ANKIB1: variants seen among roughly 807,000 people sequenced by gnomAD.
The protein encoded by ANKIB1 is ankyrin repeat and IBR domain-containing protein 1.
A neutral mutation model predicts 122.1 loss-of-function variants in ANKIB1; 43 were observed. That is an observed-to-expected ratio of 0.35 (90% confidence interval 0.28 to 0.45). The LOEUF (loss-of-function observed/expected upper bound fraction) is 0.45, where lower values mean the gene tolerates loss of function less well. Ranked by LOEUF, ANKIB1 falls within the 20% of genes least tolerant of loss-of-function variation. ANKIB1 has a pLI of 1.00. For missense variants in ANKIB1, 992 were observed against 1,329.5 expected (o/e 0.75, Z 3.95); for synonymous variants, 390 against 442.0 (o/e 0.88, Z 1.48).
chr7:92,263,696 T>G (rs896134241), intron 1 of ANKIB1, among the ~76,000 whole-genome samples: 2 of 152,198 alleles, frequency 1.3e-5, no homozygotes, highest in Admixed American at 1.3e-4. Context: ...GTATGATAGA[T>G]TGGGTTCTGG....
At chr7:92,294,831 T>C (rs1032308348) in intron 1 of ANKIB1, 58 bp from the exon 2 acceptor site, 3 of 588,638 alleles carry the variant, frequency 5.1e-6, no homozygotes, top group Non-Finnish European at 8.3e-6. Flanking sequence ...AATTGTGTTA[T>C]TGTTTCTTTT....
At position 92,400,540 on chromosome 7, in the gene ANKIB1, A is replaced by G. The variant is rs925390480; in HGVS notation, c.*1591A>G. 6.6e-6 allele frequency: 1 copy of G among 152,090 alleles called. No individual in the cohort carries two copies. The highest frequency in any genetic ancestry group is 1.5e-5 in the Non-Finnish European group (1 of 68,006). 9.4% of individuals were successfully genotyped at this position (152,090 alleles called of 1,614,324 possible). ...AGTCCTGGGCTGGGTAAAAAGTTAT[A>G]TTAATATTGTTATCCACAAGAGATG... On this transcript the variant is annotated 3_prime_UTR_variant, in exon 20 of 20. Coordinates refer to ENST00000265742, the MANE Select transcript of ANKIB1 (RefSeq NM_019004.2).
At chr7:92,375,640 C>G (rs1804362416) in intron 11 of ANKIB1, among the ~76,000 whole-genome samples, 1 of 152,168 alleles carries the variant, frequency 6.6e-6, no homozygotes, top group Non-Finnish European at 1.5e-5. Flanking sequence ...AAGTTTTGAA[C>G]TCTTCAAAGT....
intron 1 of ANKIB1, among the ~76,000 whole-genome samples, chr7:92,286,295 G>A (rs1383843411): frequency 3.3e-5 from 5 of 152,108 alleles, no homozygotes; most frequent in Admixed American, 3.3e-4. Context: ...AGAGGGACCA[G>A]TGGACCTTGT....
intron 1 of ANKIB1, among the ~76,000 whole-genome samples, chr7:92,250,043 T>C (rs1299867427): frequency 2.0e-5 from 3 of 152,178 alleles, no homozygotes; most frequent in South Asian, 4.1e-4. Context: ...TTCTCTAATA[T>C]TGCTTTGAAT....
At chr7:92,348,450 A>G (rs1803588082) in intron 7 of ANKIB1, among the ~76,000 whole-genome samples, 1 of 145,990 alleles carries the variant, frequency 6.8e-6, no homozygotes, top group Non-Finnish European at 1.5e-5. Flanking sequence ...CAGTGGCACC[A>G]TCTCAGCTCA....
chr7:92,343,100 G>A lies in ANKIB1; in HGVS notation c.864G>A (p.Met288Ile). ...GCTGCCAACGATCAGGTGTTCAAAT[G>A]CCAACTCCACCACCAAGTGGGTATA... ...ENCCQRSGVQ[M>I]PTPPPSGYNA... The change falls in exon 6 of 20, where the codon ATG (methionine) becomes ATA (isoleucine). Residue 288 changes from methionine (M) to isoleucine (I), a missense_variant. Around this residue, in one of 4 missense-constraint regions of ANKIB1, gnomAD observed 521 missense variants for 777.7 expected, o/e 0.67. Coordinates refer to ENST00000265742, the MANE Select transcript of ANKIB1 (RefSeq NM_019004.2). 2 of 1,613,900 alleles carry A rather than the reference G, an allele frequency of 1.2e-6. No homozygotes were observed. The highest frequency in any genetic ancestry group is 1.7e-6 in the Non-Finnish European group (2 of 1,179,864).
At chr7:92,253,809 T>A (rs1451831298) in intron 1 of ANKIB1, among the ~76,000 whole-genome samples, 2 of 152,338 alleles carry the variant, frequency 1.3e-5, no homozygotes, top group East Asian at 3.9e-4. Flanking sequence ...TGGTAGAATG[T>A]TTAACAGTCA....
At chr7:92,301,152 A>C (rs1216594712) in intron 2 of ANKIB1, among the ~76,000 whole-genome samples, 1 of 152,176 alleles carries the variant, frequency 6.6e-6, no homozygotes, top group Non-Finnish European at 1.5e-5. Flanking sequence ...TATAGTGAAC[A>C]TGGGAGTACT....
chr7:92,262,438 G>A (rs551570147), intron 1 of ANKIB1, among the ~76,000 whole-genome samples: 8 of 152,256 alleles, frequency 5.3e-5, no homozygotes, highest in African/African-American at 1.9e-4. Flanking sequence ...TGATAAATTA[G>A]AACCAACTTA....
At chr7:92,248,875 T>TTC (rs1801259244) in intron 1 of ANKIB1, among the ~76,000 whole-genome samples, 1 of 148,706 alleles carries the variant, frequency 6.7e-6, no homozygotes, top group African/African-American at 2.5e-5. Context: ...TTTTTTTCTT[T>TTC]TTTCTTTTCT....
At chr7:92,315,398 A>C (rs1028425774) in intron 3 of ANKIB1, among the ~76,000 whole-genome samples, 3 of 152,210 alleles carry the variant, frequency 2.0e-5, no homozygotes, top group Non-Finnish European at 4.4e-5. Context: ...TTTAGAATTG[A>C]GTGTTATCTA....
intron 5 of ANKIB1, among the ~76,000 whole-genome samples, chr7:92,330,200 T>C (rs568008372): frequency 6.6e-6 from 1 of 152,326 alleles, no homozygotes; most frequent in East Asian, 1.9e-4. Context: ...CATGCATATA[T>C]GTGTCATACA....
At chr7:92,327,936 G>T (rs772126501) in intron 5 of ANKIB1, 36 bp downstream of exon 5, 18 of 1,388,176 alleles carry the variant, frequency 1.3e-5, no homozygotes, top group Non-Finnish European at 1.6e-5. Context: ...CTAAGAACAT[G>T]AGTAACTTTT....
At position 92,246,102 on chromosome 7, in the gene ANKIB1, G is replaced by C. The variant is rs1000648626; in HGVS notation, c.-508G>C. The C allele has an allele frequency of 7.4e-5, 21 of 283,864 alleles. No homozygotes were observed. In the Admixed American group the frequency reaches 1.2e-3, roughly 17 times the overall value. 17.6% of individuals were successfully genotyped at this position (283,864 alleles called of 1,614,324 possible). A position where few individuals can be genotyped will look rare whatever the true frequency, so the allele number is the denominator to read the frequency against. On this transcript the variant is annotated 5_prime_UTR_variant, in exon 1 of 20. Coordinates refer to ENST00000265742, the MANE Select transcript of ANKIB1 (RefSeq NM_019004.2). ...GGGTGCCAGCGGCTGAGCCGGAGCC[G>C]GAGCCGGAGGCGGGGGAGGGGAAGA...
intron 3 of ANKIB1, among the ~76,000 whole-genome samples, chr7:92,314,696 C>T (rs1236503774): frequency 1.3e-5 from 2 of 152,128 alleles, no homozygotes; most frequent in Admixed American, 1.3e-4. Context: ...ATCAAGCTAC[C>T]CAAATAATTC....
At position 92,327,896 on chromosome 7, in the gene ANKIB1, T is replaced by G. The variant is rs1461960683; in HGVS notation, c.783T>G (p.Ala261=). The G allele has an allele frequency of 3.4e-5, 53 of 1,571,818 alleles. No individual in the cohort carries two copies. Among genetic ancestry groups the G allele is most frequent in the Non-Finnish European group, 4.5e-5 (52 of 1,162,794 alleles). Residue 261 remains alanine (A), a synonymous_variant, in exon 5 of 20, where the codon GCT becomes GCG. Transcript: ENST00000265742. ...TTACTGCTGAAGCTTTACTTCGAGC[T>G]CATGGTAATGAAAGAAATGTCTTAT... is the stretch of plus-strand genomic sequence containing the variant. ...PLFTAEALLR[A]HDWDREKLLE...
intron 10 of ANKIB1, among the ~76,000 whole-genome samples, chr7:92,363,677 A>C (rs1295090892): frequency 6.6e-6 from 1 of 152,238 alleles, no homozygotes; most frequent in African/African-American, 2.4e-5. Flanking sequence ...TACTGTCAGC[A>C]ACTGAAGTGG....
intron 1 of ANKIB1, among the ~76,000 whole-genome samples, chr7:92,281,920 G>A (rs1802018471): frequency 6.6e-6 from 1 of 152,106 alleles, no homozygotes; most frequent in South Asian, 2.1e-4. Context: ...ATATATTAGA[G>A]AGAAATCAGT....
Sources: allele counts gnomAD v4.1 joint callset (sites outside exome capture counted in the v4.1 genomes callset), GRCh38; gene constraint gnomAD v4.1.1; regional missense constraint gnomAD v4.1.1; transcripts MANE v1.5; gene names NCBI Gene and HGNC (gene_info 2026-07-23, HGNC 2026-07-21).